Variants in NTNG1 observed in about 807,000 individuals in gnomAD.
The protein encoded by NTNG1 is netrin G1.
In NTNG1, 16 loss-of-function variants were observed where a neutral mutation model predicts 54.0. That is an observed-to-expected ratio of 0.30 (90% CI 0.20 to 0.45). The LOEUF is 0.45. Among genes scored for constraint, NTNG1 ranks in the 20% least tolerant of loss-of-function variants. NTNG1 has a pLI of 1.00. For synonymous variants in NTNG1, 255 were observed against 263.1 expected, an observed-to-expected ratio of 0.97 and a Z score of 0.30; for missense variants, 530 against 678.7, an observed-to-expected ratio of 0.78 and a Z score of 2.43.
At chr1:107,474,674 A>G (rs1678198559) in intron 7 of NTNG1, among the ~76,000 whole-genome samples, 1 of 152,244 alleles carries the variant, frequency 6.6e-6, no homozygotes, top group Non-Finnish European at 1.5e-5. Flanking sequence ...CACATCTTGT[A>G]ATGGCCTTCT....
intron 7 of NTNG1, among the ~76,000 whole-genome samples, chr1:107,457,042 G>C (rs922391106): frequency 6.6e-6 from 1 of 152,144 alleles, no homozygotes; most frequent in African/African-American, 2.4e-5. Flanking sequence ...ATAACCACTA[G>C]TACAACTAGG....
intron 2 of NTNG1, among the ~76,000 whole-genome samples, chr1:107,177,542 C>T (rs528016640): frequency 6.6e-6 from 1 of 152,192 alleles, no homozygotes; most frequent in East Asian, 1.9e-4. Context: ...AGCATGTTGG[C>T]CAGCCTGGTC....
intron 7 of NTNG1, among the ~76,000 whole-genome samples, chr1:107,466,185 G>A (rs1237244831): frequency 1.3e-5 from 2 of 152,070 alleles, no homozygotes; most frequent in African/African-American, 2.4e-5. Flanking sequence ...GTGAGGGAGA[G>A]AATGAGTGAG....
chr1:107,301,219 A>G lies in NTNG1; in HGVS notation c.247-23063A>G, dbSNP rs139747794. Among the ~76,000 whole-genome samples, 12 of 152,338 alleles carry G rather than the reference A, an allele frequency of 7.9e-5. No homozygotes were observed. In the East Asian group the frequency reaches 2.1e-3, roughly 27 times the overall value. ...TTTGATTATTAATTTGAAGGGGCATACATTTACATTATCTTTAAAAGACTT... is the reference window on the plus strand; with the variant it reads ...TTTGATTATTAATTTGAAGGGGCATGCATTTACATTATCTTTAAAAGACTT... On this transcript the variant is annotated intron_variant, in intron 2 of 7. Coordinates refer to ENST00000370068, the MANE Select transcript of NTNG1 (RefSeq NM_001113226.3).
At chr1:107,223,012 T>G (rs1660450558) in intron 2 of NTNG1, among the ~76,000 whole-genome samples, 1 of 151,968 alleles carries the variant, frequency 6.6e-6, no homozygotes. Flanking sequence ...TTCTCTAACT[T>G]TAGTGTGCTT....
chr1:107,375,611 A>G (rs1671185212), intron 3 of NTNG1, among the ~76,000 whole-genome samples: 2 of 152,222 alleles, frequency 1.3e-5, no homozygotes, highest in Admixed American at 6.5e-5. Context: ...AAAGTTATAT[A>G]TTATTATGTT....
intron 2 of NTNG1, among the ~76,000 whole-genome samples, chr1:107,267,349 TG>T (rs1165259283): frequency 1.3e-5 from 2 of 152,150 alleles, no homozygotes; most frequent in African/African-American, 4.8e-5. Context: ...AGCTAATGTG[TG>T]TGTTAGATTT....
chr1:107,240,401 C>A (rs1206028157), intron 2 of NTNG1, among the ~76,000 whole-genome samples: 1 of 152,034 alleles, frequency 6.6e-6, no homozygotes, highest in South Asian at 2.1e-4. Flanking sequence ...AGCCAGTGTA[C>A]CTGACCTTTG....
intron 3 of NTNG1, among the ~76,000 whole-genome samples, chr1:107,380,341 G>A (rs1434588772): frequency 6.6e-6 from 1 of 152,156 alleles, no homozygotes; most frequent in African/African-American, 2.4e-5. Flanking sequence ...AATAGGACTT[G>A]GGGGAGATGG....
intron 3 of NTNG1, among the ~76,000 whole-genome samples, chr1:107,362,624 GTCCAC>G (rs1354080230): frequency 2.6e-5 from 4 of 152,176 alleles, no homozygotes; most frequent in African/African-American, 9.6e-5. Context: ...TGTGCTCAGT[GTCCAC>G]TGCTTGATGA....
intron 3 of NTNG1, among the ~76,000 whole-genome samples, chr1:107,362,183 A>G (rs1670342826): frequency 6.6e-6 from 1 of 152,108 alleles, no homozygotes; most frequent in Non-Finnish European, 1.5e-5. Context: ...TCTCTGATCA[A>G]TTTTCTTAAG....
In NTNG1 at chr1:107,248,445, C is replaced by T. The variant is rs187217203; in HGVS notation, c.247-75837C>T. 7.9e-5 allele frequency among the ~76,000 whole-genome samples: 12 copies of T among 152,314 alleles called. No homozygotes were observed. The East Asian group carries it at 9.6e-4, about 12-fold the overall frequency. On this transcript the variant is annotated intron_variant, in intron 2 of 7. Coordinates refer to ENST00000370068, the MANE Select transcript of NTNG1 (RefSeq NM_001113226.3). ...AGTCTGGGATTTGTAGCTGCCTTTA[C>T]AAATTTGGTGCTCAACAGACATGAG...
At chr1:107,436,427 G>C (rs566251) in intron 6 of NTNG1, among the ~76,000 whole-genome samples, 3,274 of 152,276 alleles carry the variant, frequency 0.022, 63 homozygotes, top group South Asian at 0.046. Context: ...CCAGTGAAAA[G>C]CATGTCTTAT....
At chr1:107,191,916 A>T (rs192202904) in intron 2 of NTNG1, among the ~76,000 whole-genome samples, 8 of 151,886 alleles carry the variant, frequency 5.3e-5, no homozygotes, top group Non-Finnish European at 1.0e-4. Flanking sequence ...TGCGGGCTCT[A>T]TTTTGGTTCC....
chr1:107,157,900 A>G (rs186799538), intron 2 of NTNG1, among the ~76,000 whole-genome samples: 9 of 152,236 alleles, frequency 5.9e-5, no homozygotes, highest in African/African-American at 1.9e-4. Context: ...TTTTTGCCAT[A>G]GAACAGATAT....
At chr1:107,237,644 TG>T (rs1557834223) in intron 2 of NTNG1, among the ~76,000 whole-genome samples, 1 of 152,092 alleles carries the variant, frequency 6.6e-6, no homozygotes, top group African/African-American at 2.4e-5. Flanking sequence ...CCTAGGGACT[TG>T]GTGCCCTGTG....
chr1:107,167,666 G>A (rs971717075), intron 2 of NTNG1, among the ~76,000 whole-genome samples: 6 of 151,678 alleles, frequency 4.0e-5, no homozygotes, highest in Admixed American at 4.0e-4. Context: ...ATATCATTAA[G>A]GTGATAATAA....
chr1:107,263,688 A>G (rs1393128154), intron 2 of NTNG1, among the ~76,000 whole-genome samples: 1 of 152,196 alleles, frequency 6.6e-6, no homozygotes, highest in Non-Finnish European at 1.5e-5. Context: ...TTGTCTCCTT[A>G]CAAGCCTTAT....
intron 7 of NTNG1, among the ~76,000 whole-genome samples, chr1:107,478,483 G>T (rs1267047076): frequency 6.6e-6 from 1 of 151,970 alleles, no homozygotes; most frequent in Non-Finnish European, 1.5e-5. Context: ...CTTGAAAAAA[G>T]AAACCTCTGT....
Sources: allele counts gnomAD v4.1 joint callset (sites outside exome capture counted in the v4.1 genomes callset), GRCh38; gene constraint gnomAD v4.1.1; transcripts MANE v1.5; gene names NCBI Gene and HGNC (gene_info 2026-07-23, HGNC 2026-07-21).